The following ARHGAP15 variants were observed in gnomAD, a reference collection of about 807,000 sequenced individuals.
ARHGAP15 encodes rho GTPase-activating protein 15.
ARHGAP15 carries 51 observed loss-of-function variants against 63.7 expected under a neutral mutation model. That is an observed-to-expected ratio of 0.80 (90% confidence interval 0.64 to 1.01). The LOEUF (loss-of-function observed/expected upper bound fraction) is 1.01. Ranked by LOEUF, ARHGAP15 falls within the 50% of genes least tolerant of loss-of-function variation. The probability of loss-of-function intolerance (pLI) is 0.00; values close to 1 mark genes in which losing one functional copy is unlikely to be tolerated. For missense variants in ARHGAP15, 560 were observed against 564.6 expected, an observed-to-expected ratio of 0.99 and a Z score of 0.08; for synonymous variants, 191 against 193.8, an observed-to-expected ratio of 0.99 and a Z score of 0.12.
At chr2:143,202,625 C>T (rs1296094345) in intron 3 of ARHGAP15, among the ~76,000 whole-genome samples, 1 of 152,058 alleles carries the variant, frequency 6.6e-6, no homozygotes, top group African/African-American at 2.4e-5. Flanking sequence ...ATTGTAAAAG[C>T]AATACGCCAT....
chr2:143,257,091 T>C (rs1680465908), intron 6 of ARHGAP15, among the ~76,000 whole-genome samples: 1 of 152,120 alleles, frequency 6.6e-6, no homozygotes, highest in Admixed American at 6.6e-5. Context: ...AAACTAAGTG[T>C]ATCGTTAGGG....
chr2:143,475,198 C>T (rs1019938042), intron 8 of ARHGAP15, among the ~76,000 whole-genome samples: 5 of 152,204 alleles, frequency 3.3e-5, no homozygotes, highest in African/African-American at 1.2e-4. Context: ...AAGTATTCAC[C>T]GGGCTCCAGC....
At position 143,627,632 on chromosome 2, in the gene ARHGAP15, A is replaced by G. The variant is rs528094736; in HGVS notation, c.1138+3365A>G. ...ATGCAGTGAGAAACTCAACAGATCC[A>G]CTCGCGAGTTTTCGGCTTTATATGG... On this transcript the variant is annotated intron_variant, in intron 12 of 13. Transcript: ENST00000295095. 2.5e-4 allele frequency among the ~76,000 whole-genome samples: 38 copies of G among 152,038 alleles called. 1 individual carries two copies. In the South Asian group the frequency reaches 3.1e-3, roughly 12 times the overall value.
chr2:143,570,984 G>T (rs1696426424), intron 11 of ARHGAP15, among the ~76,000 whole-genome samples: 2 of 152,148 alleles, frequency 1.3e-5, no homozygotes, highest in South Asian at 4.1e-4. Flanking sequence ...GTGAGTGGCA[G>T]GTGAGAGAGC....
chr2:143,146,260 T>C (rs1383649973), intron 1 of ARHGAP15, among the ~76,000 whole-genome samples: 4 of 151,930 alleles, frequency 2.6e-5, no homozygotes, highest in Admixed American at 2.6e-4. Flanking sequence ...TATAAATCAG[T>C]AAGAAAAAGA....
intron 12 of ARHGAP15, among the ~76,000 whole-genome samples, chr2:143,684,499 A>G (rs1444930237): frequency 1.3e-5 from 2 of 151,162 alleles, no homozygotes; most frequent in Non-Finnish European, 3.0e-5. Context: ...TCTTGACAGC[A>G]TAATATCCTT....
chr2:143,153,843 TTCCTCCTCCTCCTCCTCCTCCTCCTCC>T (rs796483071), intron 1 of ARHGAP15, among the ~76,000 whole-genome samples: 425 of 86,710 alleles, frequency 4.9e-3, no homozygotes, highest in South Asian at 6.3e-3. Context: ...CTTCTTCTTC[TTCCTCCTCCTCCTCCTCCTCCTCCTCC>T]TCTTCCTCCT....
intron 6 of ARHGAP15, among the ~76,000 whole-genome samples, chr2:143,301,168 A>G (rs1682877984): frequency 6.6e-6 from 1 of 151,940 alleles, no homozygotes; most frequent in Admixed American, 6.6e-5. Flanking sequence ...AACACCAAGA[A>G]TATATATTTG....
intron 6 of ARHGAP15, among the ~76,000 whole-genome samples, chr2:143,262,534 G>GCTTTTTTTTTTTTTTTT (rs1680773129): frequency 1.2e-5 from 1 of 82,078 alleles, no homozygotes; most frequent in African/African-American, 5.5e-5. Flanking sequence ...CTGAACCTTT[G>GCTTTTTTTTTTTTTTTT]ATTTTTTTTT....
chr2:143,279,175 A>T (rs1681719741), intron 6 of ARHGAP15, among the ~76,000 whole-genome samples: 1 of 152,166 alleles, frequency 6.6e-6, no homozygotes, highest in Non-Finnish European at 1.5e-5. Flanking sequence ...TCTAGGGAAG[A>T]ATGAAGCGGT....
At chr2:143,733,518 T>C (rs1355160428) in intron 13 of ARHGAP15, among the ~76,000 whole-genome samples, 1 of 152,192 alleles carries the variant, frequency 6.6e-6, no homozygotes, top group East Asian at 1.9e-4. Flanking sequence ...GTTACATCCA[T>C]CAACTGTGCC....
intron 1 of ARHGAP15, among the ~76,000 whole-genome samples, chr2:143,136,795 T>A (rs774861257): frequency 2.6e-5 from 4 of 152,148 alleles, no homozygotes; most frequent in Admixed American, 2.6e-4. Flanking sequence ...TGAGGTTCTA[T>A]TGATATACTT....
At chr2:143,566,293 A>G (rs1696220528) in intron 11 of ARHGAP15, among the ~76,000 whole-genome samples, 2 of 152,180 alleles carry the variant, frequency 1.3e-5, no homozygotes, top group South Asian at 4.1e-4. Context: ...GGGTCCCAGC[A>G]CAGCAGGATT....
intron 6 of ARHGAP15, among the ~76,000 whole-genome samples, chr2:143,382,452 G>C (rs771664754): frequency 6.6e-6 from 1 of 152,092 alleles, no homozygotes; most frequent in African/African-American, 2.4e-5. Flanking sequence ...CTCCTTGTGT[G>C]TCTTCACATT....
intron 5 of ARHGAP15, among the ~76,000 whole-genome samples, chr2:143,245,825 T>C (rs1207471061): frequency 6.6e-6 from 1 of 152,148 alleles, no homozygotes; most frequent in Non-Finnish European, 1.5e-5. Flanking sequence ...AAGCAGGACA[T>C]GCCTTGTGAG....
chr2:143,312,411 G>A (rs372616721), intron 6 of ARHGAP15, among the ~76,000 whole-genome samples: 6 of 151,434 alleles, frequency 4.0e-5, no homozygotes, highest in South Asian at 2.1e-4. Context: ...ACATTTGATC[G>A]TATGTTTTCT....
intron 11 of ARHGAP15, among the ~76,000 whole-genome samples, chr2:143,563,605 A>G (rs1303665223): frequency 1.3e-5 from 2 of 152,212 alleles, no homozygotes; most frequent in Middle Eastern, 3.2e-3. Flanking sequence ...GCTTTTCCAT[A>G]TAGACTTGAC....
intron 9 of ARHGAP15, among the ~76,000 whole-genome samples, chr2:143,517,436 AT>A (rs1410263717): frequency 1.1e-4 from 17 of 152,168 alleles, no homozygotes; most frequent in Non-Finnish European, 2.5e-4. Context: ...CTGCATTATT[AT>A]TCTATCTAAT....
At chr2:143,418,018 A>T (rs1688759984) in intron 6 of ARHGAP15, among the ~76,000 whole-genome samples, 1 of 152,224 alleles carries the variant, frequency 6.6e-6, no homozygotes, top group East Asian at 1.9e-4. Flanking sequence ...AAGAAACTCA[A>T]ACTAATAGGA....
Sources: gnomAD v4.1 joint callset for allele counts (sites outside exome capture counted in the v4.1 genomes callset) on GRCh38, gnomAD v4.1.1 for gene constraint, MANE v1.5 for transcripts, NCBI Gene and HGNC (gene_info 2026-07-23, HGNC 2026-07-21) for gene names.